Variants in DOCK10 observed in about 807,000 individuals in gnomAD.
DOCK10 encodes dedicator of cytokinesis 10.
A neutral mutation model predicts 280.1 loss-of-function variants in DOCK10; 145 were observed. That is an observed-to-expected ratio of 0.52 (90% confidence interval 0.45 to 0.59). The LOEUF (loss-of-function observed/expected upper bound fraction) is 0.59. Ranked by LOEUF, DOCK10 falls within the 20% of genes least tolerant of loss-of-function variation. DOCK10 has a pLI of 0.00. For missense variants in DOCK10, 2,368 were observed against 2,651.7 expected (o/e 0.89, Z 2.35); for synonymous variants, 915 against 942.2 (o/e 0.97, Z 0.53).
chr2:224,841,838 T>G lies in DOCK10; in HGVS notation c.2627A>C (p.Gln876Pro), dbSNP rs190646257. ...GCGGATGAAATTTGAGGTAGGTGAC[T>G]GAGACATATCTTTCTCTCTTTTTTG... ...ECQKREKDMS[Q>P]SPTSNFIRSC... The change falls in exon 23 of 56, where the codon CAG (glutamine) becomes CCG (proline). Residue 876 changes from glutamine to proline, a missense_variant. By Grantham distance (76) the Gln-to-Pro change is moderately conservative. Around this residue, in one of 2 missense-constraint regions of DOCK10, gnomAD observed 1,209 missense variants for 1,250.9 expected, o/e 0.97. Coordinates refer to ENST00000258390, the MANE Select transcript of DOCK10 (RefSeq NM_014689.3). 1,701 of 1,613,464 alleles carry G rather than the reference T, an allele frequency of 1.1e-3. 8 individuals are homozygous for G. The highest frequency in any genetic ancestry group is 9.1e-4 in the Non-Finnish European group (1,077 of 1,179,424).
In DOCK10 at chr2:224,793,936, T is replaced by A. The variant is rs149981651; in HGVS notation, c.5155-479A>T. Among the ~76,000 whole-genome samples, 351 of 152,324 alleles carry A rather than the reference T, an allele frequency of 2.3e-3. 1 individual carries two copies. The highest frequency in any genetic ancestry group is 0.017 in the Middle Eastern group (5 of 294). On this transcript the variant is annotated intron_variant, in intron 45 of 55. Coordinates refer to ENST00000258390, the MANE Select transcript of DOCK10 (RefSeq NM_014689.3). ...TACTTGATTGACTAGTGTGACACAATGTAACACCCGTGCTCCCCACAAACT... is the reference window on the plus strand; with the variant it reads ...TACTTGATTGACTAGTGTGACACAAAGTAACACCCGTGCTCCCCACAAACT...
At chr2:224,943,745 G>C (rs1466081164) in intron 1 of DOCK10, among the ~76,000 whole-genome samples, 2 of 146,996 alleles carry the variant, frequency 1.4e-5, no homozygotes, top group African/African-American at 5.0e-5. Flanking sequence ...GTTGGTTTAA[G>C]ATTTTTTTTT....
intron 1 of DOCK10, among the ~76,000 whole-genome samples, chr2:224,957,705 C>T (rs1704132437): frequency 6.6e-6 from 1 of 152,146 alleles, no homozygotes; most frequent in African/African-American, 2.4e-5. Flanking sequence ...GAACCTCAGA[C>T]CTACTGTCCT....
intron 28 of DOCK10, among the ~76,000 whole-genome samples, chr2:224,822,031 C>T (rs1230646936): frequency 1.3e-5 from 2 of 152,106 alleles, no homozygotes; most frequent in African/African-American, 2.4e-5. Flanking sequence ...GATTAAAGCT[C>T]ACCAGTGACA....
intron 2 of DOCK10, among the ~76,000 whole-genome samples, chr2:224,926,156 AG>A (rs1297418647): frequency 6.6e-6 from 1 of 152,254 alleles, no homozygotes; most frequent in Non-Finnish European, 1.5e-5. Context: ...GTAGTGCAGG[AG>A]TTCATACTGC....
At chr2:225,017,586 A>G (rs1480935546) in intron 1 of DOCK10, among the ~76,000 whole-genome samples, 1 of 149,728 alleles carries the variant, frequency 6.7e-6, no homozygotes, top group Non-Finnish European at 1.5e-5. Context: ...CAGCTTGCCC[A>G]TTTTCTTGTA....
At chr2:224,941,530 C>T (rs1266606131) in intron 1 of DOCK10, among the ~76,000 whole-genome samples, 3 of 151,952 alleles carry the variant, frequency 2.0e-5, no homozygotes, top group East Asian at 1.9e-4. Flanking sequence ...AAAGTGGTAG[C>T]GAAAGAGGAC....
chr2:224,854,493 C>T (rs1224953889), intron 16 of DOCK10, among the ~76,000 whole-genome samples: 3 of 152,128 alleles, frequency 2.0e-5, no homozygotes, highest in Admixed American at 2.0e-4. Context: ...CAGAGTAACC[C>T]TCTGGCAGCA....
chr2:224,825,878 C>G (rs1233065908), intron 27 of DOCK10, among the ~76,000 whole-genome samples: 1 of 152,134 alleles, frequency 6.6e-6, no homozygotes, highest in Non-Finnish European at 1.5e-5. Flanking sequence ...TGAATCTGAG[C>G]TACAGCATGG....
chr2:224,907,988 T>C (rs1306496197), intron 3 of DOCK10, among the ~76,000 whole-genome samples: 3 of 152,192 alleles, frequency 2.0e-5, no homozygotes, highest in African/African-American at 7.2e-5. Flanking sequence ...ATGTTTCATT[T>C]CATATCCCCT....
intron 2 of DOCK10, among the ~76,000 whole-genome samples, chr2:224,925,765 A>G (rs187957030): frequency 2.1e-4 from 32 of 152,350 alleles, no homozygotes; most frequent in African/African-American, 7.7e-4. Context: ...TACTTCCCAG[A>G]AATGATCCCA....
At chr2:224,917,443 A>C (rs1396876632) in intron 2 of DOCK10, among the ~76,000 whole-genome samples, 9 of 152,168 alleles carry the variant, frequency 5.9e-5, no homozygotes, top group Non-Finnish European at 7.3e-5. Flanking sequence ...CAAAGTCAGC[A>C]TTATTTTAAT....
At chr2:224,801,295 A>AAC (rs1553568014) in intron 40 of DOCK10, among the ~76,000 whole-genome samples, 4 of 151,540 alleles carry the variant, frequency 2.6e-5, no homozygotes, top group African/African-American at 9.7e-5. Flanking sequence ...AAAAAAAAAA[A>AAC]AAAAAAAACA....
chr2:224,786,401 T>C lies in DOCK10; in HGVS notation c.5655+621A>G, dbSNP rs1574818167. On this transcript the variant is annotated intron_variant, in intron 50 of 55. Transcript: ENST00000258390. The surrounding 1 kb of genome is among the most constrained non-coding windows in gnomAD (Gnocchi z 4.7). ...GTTGCTCAGAGACATTCATAATTAA[T>C]ATATAGTATGTTCACTTTCAGGCCA... Among the ~76,000 whole-genome samples, 1 of 152,342 alleles carries C rather than the reference T, an allele frequency of 6.6e-6. No individual in the cohort carries two copies. Among genetic ancestry groups the C allele is most frequent in the East Asian group, 1.9e-4 (1 of 5,180 alleles).
chr2:224,799,570 A>G (rs1339074790), intron 41 of DOCK10, among the ~76,000 whole-genome samples: 3 of 152,216 alleles, frequency 2.0e-5, no homozygotes, highest in African/African-American at 7.2e-5. Context: ...CAGATGTATG[A>G]TTAACTTTTT....
chr2:224,956,362 C>T (rs1264413992), intron 1 of DOCK10, among the ~76,000 whole-genome samples: 1 of 152,070 alleles, frequency 6.6e-6, no homozygotes, highest in Non-Finnish European at 1.5e-5. Flanking sequence ...GTGGCTCATG[C>T]CTGTAATCCC....
At chr2:224,806,745 C>T (rs924080261) in intron 33 of DOCK10, among the ~76,000 whole-genome samples, 2 of 152,088 alleles carry the variant, frequency 1.3e-5, no homozygotes, top group African/African-American at 4.8e-5. Flanking sequence ...GCTGGGACTA[C>T]AGGTATGTGC....
At chr2:224,888,983 A>G (rs1384516558) in intron 4 of DOCK10, among the ~76,000 whole-genome samples, 1 of 152,204 alleles carries the variant, frequency 6.6e-6, no homozygotes, top group Non-Finnish European at 1.5e-5. Flanking sequence ...ACACTATGCT[A>G]AATGAAATAA....
At chr2:224,803,286 C>T (rs1295317247) in intron 39 of DOCK10, among the ~76,000 whole-genome samples, 1 of 152,026 alleles carries the variant, frequency 6.6e-6, no homozygotes, top group Non-Finnish European at 1.5e-5. Context: ...ATGTCCATTA[C>T]ATTTTTTTTC....
Sources: gnomAD v4.1 joint callset for allele counts (sites outside exome capture counted in the v4.1 genomes callset) on GRCh38, gnomAD v4.1.1 for gene constraint, gnomAD v4.1.1 regional missense constraint, Gnocchi (gnomAD v3.1) non-coding constraint, MANE v1.5 for transcripts, NCBI Gene and HGNC (gene_info 2026-07-23, HGNC 2026-07-21) for gene names.